Variants in MYO3A observed in about 807,000 individuals in gnomAD.
MYO3A encodes the protein myosin-IIIa.
Under a neutral mutation model 192.7 loss-of-function variants are expected in MYO3A, and 180 were observed. That is an observed-to-expected ratio of 0.93 (90% CI 0.83 to 1.06). MYO3A has a LOEUF of 1.06. MYO3A is among the 50% of genes least tolerant of loss of function. The probability of loss-of-function intolerance (pLI) is 0.00; values close to 1 mark genes in which losing one functional copy is unlikely to be tolerated. For synonymous variants in MYO3A, 628 were observed against 645.3 expected (o/e 0.97, Z 0.41); for missense variants, 1,896 against 1,905.0 (o/e 1.00, Z 0.09).
intron 31 of MYO3A, among the ~76,000 whole-genome samples, chr10:26,185,993 A>G (rs73594315): frequency 2.0e-4 from 30 of 152,338 alleles, no homozygotes; most frequent in African/African-American, 7.0e-4. Flanking sequence ...GTGAATCACA[A>G]TAATTACATA....
At chr10:26,142,933 T>C (rs1359678720) in intron 20 of MYO3A, among the ~76,000 whole-genome samples, 1 of 152,230 alleles carries the variant, frequency 6.6e-6, no homozygotes, top group Admixed American at 6.5e-5. Flanking sequence ...AATTCTAGTA[T>C]GGAGACTAGA....
intron 6 of MYO3A, among the ~76,000 whole-genome samples, chr10:26,012,646 G>A (rs1841739812): frequency 6.6e-6 from 1 of 151,698 alleles, no homozygotes. Context: ...AATCAATATT[G>A]TGAGAATGAC....
rs186827967 is a variant in MYO3A at position 25,969,672 on chromosome 10, C to T, written c.303+14664C>T. 4.2e-3 allele frequency among the ~76,000 whole-genome samples: 634 copies of T among 152,034 alleles called. 5 individuals are homozygous for T. The highest frequency in any genetic ancestry group is 0.014 in the African/African-American group (587 of 41,486). ...ATAGGAAAAGAGAACAAAGAAGAGA[C>T]GAATAGAAACAAATACAGCAATGTG... On this transcript the variant is annotated intron_variant, in intron 4 of 34. Transcript: ENST00000642920.
chr10:26,107,610 C>T (rs1200416252), intron 17 of MYO3A, among the ~76,000 whole-genome samples: 1 of 149,706 alleles, frequency 6.7e-6, no homozygotes, highest in Admixed American at 6.6e-5. Context: ...TTGTTTTTCT[C>T]TTTCAGGTTA....
chr10:26,168,941 C>T, intron 28 of MYO3A, 67 bp downstream of exon 28: 1 of 1,467,092 alleles, frequency 6.8e-7, no homozygotes, highest in South Asian at 1.2e-5. Context: ...TACAGGCAAA[C>T]CTCCAATTCT....
At chr10:26,146,160 A>T (rs1304920881) in intron 22 of MYO3A, among the ~76,000 whole-genome samples, 2 of 152,212 alleles carry the variant, frequency 1.3e-5, no homozygotes, top group Non-Finnish European at 2.9e-5. Flanking sequence ...ACAGCAGAGA[A>T]AACCTCAGAT....
At chr10:26,139,430 G>A (rs557291017) in intron 20 of MYO3A, among the ~76,000 whole-genome samples, 2 of 152,058 alleles carry the variant, frequency 1.3e-5, no homozygotes, top group South Asian at 2.1e-4. Context: ...GTAGAGATGG[G>A]GTTTCTCCAT....
chr10:25,954,214 A>G (rs1255571775), intron 3 of MYO3A, among the ~76,000 whole-genome samples: 5 of 152,164 alleles, frequency 3.3e-5, no homozygotes, highest in Admixed American at 3.3e-4. Flanking sequence ...CTGTAAAAGC[A>G]GTATTAATAA....
At chr10:25,945,031 A>G (rs1184555670) in intron 2 of MYO3A, among the ~76,000 whole-genome samples, 3 of 152,008 alleles carry the variant, frequency 2.0e-5, no homozygotes, top group African/African-American at 4.8e-5. Flanking sequence ...TAGAGCAACA[A>G]ATTTATCTCT....
Position 25,934,712 on chromosome 10 carries a change from A to G in MYO3A, c.-105+384A>G, listed in dbSNP as rs150431528. ...CGGGAAGGGTGAACCTGAGGGGTGGACTTGAGGGAAGATCTTGTGGGTGAA... is the reference window on the plus strand; with the variant it reads ...CGGGAAGGGTGAACCTGAGGGGTGGGCTTGAGGGAAGATCTTGTGGGTGAA... On this transcript the variant is annotated intron_variant, in intron 1 of 34. Coordinates refer to ENST00000642920, the MANE Select transcript of MYO3A (RefSeq NM_017433.5). Among the ~76,000 whole-genome samples the G allele has an allele frequency of 5.8e-3, 838 of 145,558 alleles. 7 individuals are homozygous for G. The highest frequency in any genetic ancestry group is 0.021 in the African/African-American group (806 of 38,502).
At chr10:26,016,932 C>A in intron 7 of MYO3A, 36 bp downstream of exon 7, 2 of 1,581,430 alleles carry the variant, frequency 1.3e-6, no homozygotes, top group Non-Finnish European at 1.7e-6. Context: ...AACGTAATAG[C>A]TGATCCTGTT....
intron 10 of MYO3A, among the ~76,000 whole-genome samples, chr10:26,033,222 C>T (rs527549942): frequency 2.0e-5 from 3 of 152,138 alleles, no homozygotes; most frequent in East Asian, 1.9e-4. Context: ...TGCAGGAGCC[C>T]GCCACTGTGC....
intron 10 of MYO3A, among the ~76,000 whole-genome samples, chr10:26,062,530 A>ACAAAAAAACAAAAAAAACAAAAAAAAACG (rs372411153): frequency 4.0e-5 from 5 of 125,940 alleles, no homozygotes; most frequent in Non-Finnish European, 8.5e-5. Flanking sequence ...AAAAAAAAAA[A>ACAAAAAAACAAAAAAAACAAAAAAAAACG]AAATTATGGA....
At chr10:26,081,172 AG>A (rs1252976071) in intron 14 of MYO3A, among the ~76,000 whole-genome samples, 1 of 125,094 alleles carries the variant, frequency 8.0e-6, no homozygotes, top group Non-Finnish European at 1.7e-5. Context: ...TGGGTAGGGA[AG>A]GACCGTCAGG....
At chr10:26,183,979 G>A (rs1338327459) in intron 31 of MYO3A, among the ~76,000 whole-genome samples, 2 of 152,160 alleles carry the variant, frequency 1.3e-5, no homozygotes. Flanking sequence ...CCAGCTACTC[G>A]GAAGGCTGAG....
At chr10:26,063,619 C>A (rs929545549) in intron 10 of MYO3A, among the ~76,000 whole-genome samples, 6 of 152,158 alleles carry the variant, frequency 3.9e-5, no homozygotes, top group African/African-American at 1.4e-4. Flanking sequence ...AAATGAATGA[C>A]TGAAATGACA....
At chr10:26,082,671 G>A (rs1026160467) in intron 14 of MYO3A, among the ~76,000 whole-genome samples, 1 of 152,086 alleles carries the variant, frequency 6.6e-6, no homozygotes, top group Non-Finnish European at 1.5e-5. Context: ...GGCACAATAA[G>A]AGATTAACAA....
At chr10:25,938,029 G>A (rs373618278) in intron 2 of MYO3A, among the ~76,000 whole-genome samples, 3 of 152,156 alleles carry the variant, frequency 2.0e-5, no homozygotes, top group East Asian at 1.9e-4. Context: ...CCCGAAACTT[G>A]TTTGGCGATT....
chr10:25,942,130 T>C (rs1401228828), intron 2 of MYO3A, among the ~76,000 whole-genome samples: 2 of 151,912 alleles, frequency 1.3e-5, no homozygotes, highest in Admixed American at 6.6e-5. Context: ...GCCTCCCAAG[T>C]ACCTGGGACT....
Sources: allele counts gnomAD v4.1 joint callset (sites outside exome capture counted in the v4.1 genomes callset), GRCh38; gene constraint gnomAD v4.1.1; transcripts MANE v1.5; gene names NCBI Gene and HGNC (gene_info 2026-07-23, HGNC 2026-07-21).